CLNK: variants seen among roughly 807,000 people sequenced by gnomAD.
CLNK encodes the protein cytokine-dependent hematopoietic cell linker.
Under a neutral mutation model 68.6 loss-of-function variants are expected in CLNK, and 74 were observed. That is an observed-to-expected ratio of 1.08 (90% CI 0.89 to 1.31). The LOEUF is 1.31. CLNK is among the 50% of genes most tolerant of loss of function. CLNK has a pLI of 0.00. For missense variants in CLNK, 553 were observed against 515.3 expected (o/e 1.07, Z -0.71); for synonymous variants, 198 against 172.2 (o/e 1.15, Z -1.17).
At chr4:10,508,799 A>G (rs998226344) in intron 16 of CLNK, among the ~76,000 whole-genome samples, 79 of 152,256 alleles carry the variant, frequency 5.2e-4, no homozygotes, top group African/African-American at 1.8e-3. Flanking sequence ...GAAGATGGAC[A>G]GTGAAGTTTC....
chr4:10,489,669 C>CCTTTTTTTT lies in CLNK; in HGVS notation c.*797_*798insAAAAAAAAG, dbSNP rs1716481439. The CCTTTTTTTT allele has an allele frequency of 1.6e-5, 1 of 62,328 alleles. No homozygotes were observed. The highest frequency in any genetic ancestry group is 3.9e-5 in the African/African-American group (1 of 25,494). The allele number at this position is 62,328 out of a possible 1,614,324, so 3.9% of individuals were successfully genotyped here. A position where few individuals can be genotyped will look rare whatever the true frequency, so the allele number is the denominator to read the frequency against. On this transcript the variant is annotated 3_prime_UTR_variant, in exon 19 of 19. Coordinates refer to ENST00000226951, the MANE Select transcript of CLNK (RefSeq NM_052964.4). ...GAGCTAATATTCACCAACCCAACAC[C>CCTTTTTTTT]TTTTTTTTTTTTTGAGACGGAGTCT...
chr4:10,532,559 A>G (rs1718586475), intron 11 of CLNK, among the ~76,000 whole-genome samples: 1 of 152,252 alleles, frequency 6.6e-6, no homozygotes, highest in African/African-American at 2.4e-5. Flanking sequence ...TTAAAAAATC[A>G]TCATTTCTCC....
chr4:10,616,375 C>G (rs527746228), intron 2 of CLNK, among the ~76,000 whole-genome samples: 24 of 152,310 alleles, frequency 1.6e-4, no homozygotes, highest in Middle Eastern at 3.4e-3. Flanking sequence ...TTTAACTTAA[C>G]AGTATGCTGT....
In CLNK at chr4:10,528,098, T is replaced by C. The variant is rs1577108329; in HGVS notation, c.631-4A>G. The C allele has an allele frequency of 3.8e-6, 5 of 1,317,960 alleles. No homozygotes were observed. Among genetic ancestry groups the C allele is most frequent in the Non-Finnish European group, 5.0e-6 (5 of 1,010,034 alleles). The allele number at this position is 1,317,960 out of a possible 1,614,324, so 81.6% of individuals were successfully genotyped here. On this transcript the variant is annotated splice_region_variant and splice_polypyrimidine_tract_variant and intron_variant, in intron 12 of 18. Transcript: ENST00000226951. ...CACCTTTTTCTGCTTCAAGGACCTG[T>C]ATTGAATTAAAAAAAATAAAATTTA...
intron 1 of CLNK, among the ~76,000 whole-genome samples, chr4:10,674,210 A>C (rs559439476): frequency 6.6e-6 from 1 of 152,122 alleles, no homozygotes; most frequent in East Asian, 1.9e-4. Context: ...GGGAGGGACC[A>C]GGCAGAAGGA....
At chr4:10,620,539 C>A (rs1722396160) in intron 2 of CLNK, among the ~76,000 whole-genome samples, 1 of 152,216 alleles carries the variant, frequency 6.6e-6, no homozygotes, top group Non-Finnish European at 1.5e-5. Context: ...CAAGAGCATG[C>A]AGCATCTCAT....
intron 11 of CLNK, among the ~76,000 whole-genome samples, chr4:10,535,235 G>GAAAGAAAGAAAGAAAGAAAA (rs1553847880): frequency 4.7e-5 from 7 of 149,908 alleles, no homozygotes; most frequent in African/African-American, 1.7e-4. Context: ...AAGAAAGAAA[G>GAAAGAAAGAAAGAAAGAAAA]AAAGAAAGAA....
rs1244888530 is a variant in CLNK, at chr4:10,501,426, G to C, written c.985-15C>G. On this transcript the variant is annotated splice_polypyrimidine_tract_variant and intron_variant, in intron 17 of 18. Transcript: ENST00000226951. Reference sequence around the variant, plus strand: ...AAACTACCATCCTGAAGCAAAAAGAGTAACAGTCATCTTTTCAGACACGCC... The same window carrying C: ...AAACTACCATCCTGAAGCAAAAAGACTAACAGTCATCTTTTCAGACACGCC... 1 of 1,604,642 alleles carries C rather than the reference G, an allele frequency of 6.2e-7. No homozygotes were observed. The highest frequency in any genetic ancestry group is 8.5e-7 in the Non-Finnish European group (1 of 1,176,976).
intron 2 of CLNK, among the ~76,000 whole-genome samples, chr4:10,656,088 A>C (rs755917668): frequency 6.6e-6 from 1 of 152,268 alleles, no homozygotes; most frequent in Non-Finnish European, 1.5e-5. Context: ...TAAAAGTGAA[A>C]GGCAGATTTT....
intron 1 of CLNK, among the ~76,000 whole-genome samples, chr4:10,678,171 C>T (rs1174374909): frequency 6.6e-6 from 1 of 152,194 alleles, no homozygotes; most frequent in African/African-American, 2.4e-5. Flanking sequence ...AGATGGGAGA[C>T]AAATCTTTCA....
intron 2 of CLNK, among the ~76,000 whole-genome samples, chr4:10,620,608 T>C (rs1722400506): frequency 6.6e-6 from 1 of 152,168 alleles, no homozygotes; most frequent in Non-Finnish European, 1.5e-5. Context: ...AGAGGCAATT[T>C]GTTCTTACTC....
chr4:10,648,199 G>C (rs1479201194), intron 2 of CLNK, among the ~76,000 whole-genome samples: 1 of 152,178 alleles, frequency 6.6e-6, no homozygotes, highest in African/African-American at 2.4e-5. Context: ...CTTTTGAAGT[G>C]ATTAAGACCT....
At position 10,651,478 on chromosome 4, in the gene CLNK, C is replaced by T. The variant is rs1319647109; in HGVS notation, c.11+16381G>A. On this transcript the variant is annotated intron_variant, in intron 2 of 18. Transcript: ENST00000226951. ...AAACCTAACTCCGTATGTTCTCACT[C>T]ATAAGTGGGAATTGAACAATGGGAA... Among the ~76,000 whole-genome samples the T allele has an allele frequency of 5.9e-5, 9 of 152,222 alleles. No homozygotes were observed. The East Asian group carries it at 1.7e-3, about 29-fold the overall frequency.
intron 2 of CLNK, among the ~76,000 whole-genome samples, chr4:10,651,360 G>A (rs1298463973): frequency 5.9e-5 from 9 of 152,106 alleles, no homozygotes; most frequent in Admixed American, 5.2e-4. Context: ...ATGGAATACT[G>A]TGCAGCCATA....
At chr4:10,566,260 A>G in intron 5 of CLNK, 110 bp from the exon 6 acceptor site, 2 of 1,032,438 alleles carry the variant, frequency 1.9e-6, no homozygotes, top group Non-Finnish European at 2.8e-6. Flanking sequence ...TGCAAGTTAA[A>G]TATTTAAGAA....
chr4:10,662,073 A>G (rs1724214958), intron 2 of CLNK, among the ~76,000 whole-genome samples: 1 of 152,232 alleles, frequency 6.6e-6, no homozygotes, highest in Admixed American at 6.5e-5. Context: ...ACTAGATAGT[A>G]TGAACTTGTG....
intron 6 of CLNK, among the ~76,000 whole-genome samples, 199 bp from the exon 7 acceptor site, chr4:10,564,976 C>T (rs1453981286): frequency 6.6e-6 from 1 of 152,112 alleles, no homozygotes; most frequent in African/African-American, 2.4e-5. Flanking sequence ...CAAAAAAATG[C>T]CAAAGTTTGA....
At chr4:10,564,562 C>T in intron 7 of CLNK, 109 bp downstream of exon 7, 1 of 757,838 alleles carries the variant, frequency 1.3e-6, no homozygotes. Flanking sequence ...TGAGCTTGAC[C>T]TGCTCTTTCC....
At chr4:10,558,967 A>T (rs1719785831) in intron 7 of CLNK, among the ~76,000 whole-genome samples, 1 of 152,122 alleles carries the variant, frequency 6.6e-6, no homozygotes, top group Non-Finnish European at 1.5e-5. Flanking sequence ...CTTATCTGTG[A>T]AATGGAGGTA....
Sources: gnomAD v4.1 joint callset for allele counts (sites outside exome capture counted in the v4.1 genomes callset) on GRCh38, gnomAD v4.1.1 for gene constraint, MANE v1.5 for transcripts, NCBI Gene and HGNC (gene_info 2026-07-23, HGNC 2026-07-21) for gene names.